The following ARMC3 variants were observed in gnomAD, a reference collection of about 807,000 sequenced individuals.
The protein encoded by ARMC3 is armadillo repeat-containing protein 3.
ARMC3 carries 74 observed loss-of-function variants against 90.3 expected under a neutral mutation model. That is an observed-to-expected ratio of 0.82 (90% CI 0.68 to 0.99). The LOEUF (loss-of-function observed/expected upper bound fraction) is 0.99, where lower values mean the gene tolerates loss of function less well. Ranked by LOEUF, ARMC3 falls within the 50% of genes least tolerant of loss-of-function variation. ARMC3 has a pLI of 0.00. For synonymous variants in ARMC3, 334 were observed against 361.8 expected, an observed-to-expected ratio of 0.92 and a Z score of 0.87; for missense variants, 958 against 1,042.8, an observed-to-expected ratio of 0.92 and a Z score of 1.12.
chr10:22,940,458 A>G (rs1348580969), intron 2 of ARMC3, among the ~76,000 whole-genome samples: 1 of 152,250 alleles, frequency 6.6e-6, no homozygotes, highest in African/African-American at 2.4e-5. Context: ...AGGAATGCCA[A>G]TGGTAGAACT....
intron 2 of ARMC3, among the ~76,000 whole-genome samples, chr10:22,934,454 C>G (rs1275370687): frequency 1.3e-5 from 2 of 152,186 alleles, no homozygotes; most frequent in African/African-American, 2.4e-5. Context: ...ATTTCCATAT[C>G]TGGCCAAAAG....
chr10:22,975,897 G>A (rs1835901054), intron 8 of ARMC3, among the ~76,000 whole-genome samples: 1 of 152,070 alleles, frequency 6.6e-6, no homozygotes, highest in Admixed American at 6.5e-5. Context: ...TTTCTATGCA[G>A]TGTTTCATAA....
intron 8 of ARMC3, among the ~76,000 whole-genome samples, chr10:22,976,757 A>T (rs1484163151): frequency 6.6e-6 from 1 of 152,126 alleles, no homozygotes; most frequent in African/African-American, 2.4e-5. Context: ...AAGCACATCC[A>T]ACTATACTGC....
rs1453111712 is a variant in ARMC3 at position 22,998,230 on chromosome 10, A to G, written c.1258A>G (p.Thr420Ala). 22 of 1,613,076 alleles carry G rather than the reference A, an allele frequency of 1.4e-5. No individual in the cohort carries two copies. Among genetic ancestry groups the G allele is most frequent in the Non-Finnish European group, 1.8e-5 (21 of 1,179,452 alleles). Residue 420 changes from threonine to alanine, a missense_variant, in exon 11 of 19, where the codon ACA becomes GCA. Thr to Ala is a moderately conservative substitution (Grantham distance 58, BLOSUM62 0). Transcript: ENST00000298032. ...AGATGGAGCCATTGCCAACGCTGCT[A>G]CAGTATTAACAAACATGGCCATGCA... ...KRDGAIANAA[T>A]VLTNMAMQEP...
At chr10:23,030,194 T>C (rs1838865093) in intron 16 of ARMC3, among the ~76,000 whole-genome samples, 1 of 152,140 alleles carries the variant, frequency 6.6e-6, no homozygotes, top group African/African-American at 2.4e-5. Context: ...ATTTGAAAAC[T>C]TTACATATGT....
intron 16 of ARMC3, among the ~76,000 whole-genome samples, chr10:23,027,187 A>T (rs1349847874): frequency 6.6e-6 from 1 of 152,222 alleles, no homozygotes; most frequent in Non-Finnish European, 1.5e-5. Context: ...TAGGAATTGC[A>T]TTAAAACCAG....
intron 5 of ARMC3, 103 bp downstream of exon 5, chr10:22,959,241 T>A: frequency 5.9e-6 from 8 of 1,365,024 alleles, no homozygotes; most frequent in Non-Finnish European, 6.2e-6. Context: ...AAAGTGTTAT[T>A]AAAATCTCTC....
intron 13 of ARMC3, among the ~76,000 whole-genome samples, chr10:23,004,289 G>C (rs1837470410): frequency 6.6e-6 from 1 of 152,060 alleles, no homozygotes; most frequent in Non-Finnish European, 1.5e-5. Context: ...AAAGCAATGA[G>C]GAGAATGGGG....
chr10:23,002,389 G>A (rs1421862739), intron 12 of ARMC3, among the ~76,000 whole-genome samples: 2 of 152,074 alleles, frequency 1.3e-5, no homozygotes, highest in African/African-American at 4.8e-5. Context: ...TTAAATGGGC[G>A]AGCTGTGTCT....
intron 16 of ARMC3, among the ~76,000 whole-genome samples, chr10:23,009,418 G>A (rs986795691): frequency 2.6e-5 from 4 of 152,222 alleles, no homozygotes; most frequent in Non-Finnish European, 5.9e-5. Flanking sequence ...AAGGAATGAG[G>A]AGGAGGAGAG....
intron 16 of ARMC3, chr10:23,013,969 T>C: frequency 1.1e-6 from 1 of 944,958 alleles, no homozygotes; most frequent in Non-Finnish European, 1.5e-6. Flanking sequence ...TATTGAATGC[T>C]GTTTGTTGAA....
intron 10 of ARMC3, among the ~76,000 whole-genome samples, chr10:22,992,250 A>C (rs755999185): frequency 6.6e-6 from 1 of 152,230 alleles, no homozygotes; most frequent in Non-Finnish European, 1.5e-5. Context: ...TCTTTGTGGA[A>C]GTGCTGGGGT....
chr10:22,957,528 A>G (rs1013578967), intron 4 of ARMC3, among the ~76,000 whole-genome samples: 2 of 152,196 alleles, frequency 1.3e-5, no homozygotes, highest in African/African-American at 4.8e-5. Context: ...GGCGGAGTGC[A>G]TGACCCACCA....
chr10:22,993,046 A>G (rs1053739035), intron 10 of ARMC3, among the ~76,000 whole-genome samples: 3 of 152,224 alleles, frequency 2.0e-5, no homozygotes, highest in African/African-American at 7.2e-5. Context: ...CTGTTAACAA[A>G]CAAGGTTCTT....
chr10:23,024,809 G>C (rs1838652562), intron 16 of ARMC3, among the ~76,000 whole-genome samples: 1 of 152,186 alleles, frequency 6.6e-6, no homozygotes, highest in Non-Finnish European at 1.5e-5. Context: ...GATTGGCAGA[G>C]TGGATAAGAA....
chr10:22,941,351 AT>A (rs1382714922), intron 2 of ARMC3, among the ~76,000 whole-genome samples: 4 of 152,180 alleles, frequency 2.6e-5, no homozygotes, highest in African/African-American at 7.2e-5. Flanking sequence ...TACACTGAAA[AT>A]TACTGCATTG....
intron 8 of ARMC3, among the ~76,000 whole-genome samples, chr10:22,981,076 C>T (rs967035586): frequency 9.2e-5 from 14 of 152,140 alleles, no homozygotes; most frequent in Non-Finnish European, 1.5e-4. Context: ...TTGCTAAATC[C>T]AAAAACTTGC....
At chr10:22,986,108 A>AC (rs1836414109) in intron 10 of ARMC3, among the ~76,000 whole-genome samples, 1 of 110,836 alleles carries the variant, frequency 9.0e-6, no homozygotes, top group African/African-American at 3.5e-5. Context: ...CCTGCACTGC[A>AC]CGCCCCCCCC....
chr10:23,011,190 C>T (rs901710984), intron 16 of ARMC3, among the ~76,000 whole-genome samples: 13 of 152,148 alleles, frequency 8.5e-5, no homozygotes, highest in East Asian at 1.9e-4. Context: ...CTGTATTTAG[C>T]GCAGTGCCTG....
Sources: gnomAD v4.1 joint callset for allele counts (sites outside exome capture counted in the v4.1 genomes callset) on GRCh38, gnomAD v4.1.1 for gene constraint, MANE v1.5 for transcripts, NCBI Gene and HGNC (gene_info 2026-07-23, HGNC 2026-07-21) for gene names.